KANSL2: variants seen among roughly 807,000 people sequenced by gnomAD.
The protein encoded by KANSL2 is NSL complex protein NSL2.
A neutral mutation model predicts 55.6 loss-of-function variants in KANSL2; 34 were observed. The ratio of observed to expected loss-of-function variants is 0.61; its 90% CI spans 0.46 to 0.81. The LOEUF is 0.81. Ranked by LOEUF, KANSL2 falls within the 40% of genes least tolerant of loss-of-function variation. The pLI, the probability that KANSL2 is intolerant of heterozygous loss-of-function variation, is 0.00. For synonymous variants in KANSL2, 209 were observed against 214.3 expected (o/e 0.98, Z 0.22); for missense variants, 502 against 609.9 (o/e 0.82, Z 1.86).
At chr12:48,654,549 C>T (rs1245893526) in intron 9 of KANSL2, 1 of 609,410 alleles carries the variant, frequency 1.6e-6, no homozygotes, top group Non-Finnish European at 3.2e-6. Context: ...ACGGACAGAA[C>T]TCAAATCACA....
chr12:48,663,637 T>C (rs186469963), intron 7 of KANSL2, among the ~76,000 whole-genome samples: 97 of 152,284 alleles, frequency 6.4e-4, no homozygotes, highest in African/African-American at 2.3e-3. Flanking sequence ...GTAAATATAT[T>C]TTCTCTTATG....
At chr12:48,659,378 T>G (rs954433193) in intron 8 of KANSL2, among the ~76,000 whole-genome samples, 17 of 151,570 alleles carry the variant, frequency 1.1e-4, no homozygotes, top group African/African-American at 4.1e-4. Flanking sequence ...GGTAAGAGGA[T>G]CACTTGAGGC....
chr12:48,655,020 GA>G lies in KANSL2; in HGVS notation c.1267del (p.Ser423HisfsTer9). ...TAGTGAAGGATCAAAAAGCAAAGGT[GA>G]AGGAGGACACTGCATACCATCACCC... ...VVGDGMQCPP[S>X]PLLFDPSLTL... On this transcript the variant is annotated frameshift_variant, in exon 9 of 10. Coordinates refer to ENST00000420613, the MANE Select transcript of KANSL2 (RefSeq NM_017822.4). LOFTEE classifies it high-confidence loss of function. 1 of 1,586,866 alleles carries G rather than the reference GA, an allele frequency of 6.3e-7. No individual in the cohort carries two copies. Among genetic ancestry groups the G allele is most frequent in the South Asian group, 1.2e-5 (1 of 86,488 alleles).
At chr12:48,662,158 G>A (rs1055233042) in intron 7 of KANSL2, among the ~76,000 whole-genome samples, 1 of 152,208 alleles carries the variant, frequency 6.6e-6, no homozygotes, top group African/African-American at 2.4e-5. Context: ...AGGCTAGAAT[G>A]CAGTGGCGTG....
intron 4 of KANSL2, among the ~76,000 whole-genome samples, chr12:48,676,218 T>C (rs1185911576): frequency 6.6e-6 from 1 of 152,140 alleles, no homozygotes; most frequent in Non-Finnish European, 1.5e-5. Context: ...TCCTCCTACT[T>C]GAGCCTCTCG....
intron 8 of KANSL2, among the ~76,000 whole-genome samples, chr12:48,657,085 T>C (rs1287050437): frequency 4.6e-5 from 7 of 152,204 alleles, no homozygotes. Context: ...TTTTAAAATC[T>C]ACTTAAAGCT....
chr12:48,662,309 T>C (rs939881716), intron 7 of KANSL2, among the ~76,000 whole-genome samples: 4 of 152,218 alleles, frequency 2.6e-5, no homozygotes, highest in Non-Finnish European at 5.9e-5. Flanking sequence ...TTCGCCATGT[T>C]GGCCAGGCTG....
At chr12:48,658,479 G>A (rs770558630) in intron 8 of KANSL2, among the ~76,000 whole-genome samples, 49 of 152,128 alleles carry the variant, frequency 3.2e-4, no homozygotes, top group Non-Finnish European at 6.0e-4. Context: ...TTTCAGCTGG[G>A]CGCGATGTCT....
chr12:48,656,040 ATTAAT>A (rs1005480834), intron 8 of KANSL2, among the ~76,000 whole-genome samples: 1 of 152,362 alleles, frequency 6.6e-6, no homozygotes, highest in Admixed American at 6.5e-5. Context: ...TTCACCAGTG[ATTAAT>A]TTAAATATGA....
intron 7 of KANSL2, among the ~76,000 whole-genome samples, chr12:48,666,437 A>G (rs532497386): frequency 2.1e-3 from 322 of 152,154 alleles, no homozygotes; most frequent in Non-Finnish European, 3.2e-3. Flanking sequence ...TCATGCCTGT[A>G]ATCCCAACAC....
At chr12:48,661,668 A>G (rs975471277) in intron 7 of KANSL2, among the ~76,000 whole-genome samples, 2 of 152,222 alleles carry the variant, frequency 1.3e-5, no homozygotes, top group Non-Finnish European at 1.5e-5. Context: ...TTTTAAAACC[A>G]TATGAACTTC....
chr12:48,682,159 C>G, intron 1 of KANSL2, 28 bp downstream of exon 1: 1 of 700,370 alleles, frequency 1.4e-6, no homozygotes, highest in East Asian at 2.7e-5. Flanking sequence ...ACCGCAAGAG[C>G]TTAGAGGAAA....
At chr12:48,665,018 T>C (rs1592101407) in intron 7 of KANSL2, among the ~76,000 whole-genome samples, 1 of 151,384 alleles carries the variant, frequency 6.6e-6, no homozygotes, top group East Asian at 1.9e-4. Context: ...TACAGTCACA[T>C]GCCATCGTGA....
chr12:48,671,556 G>A (rs1012279174), intron 5 of KANSL2, among the ~76,000 whole-genome samples: 1 of 151,980 alleles, frequency 6.6e-6, no homozygotes, highest in South Asian at 2.1e-4. Flanking sequence ...ATGTGTTTAG[G>A]TACACAAATA....
chr12:48,667,720 G>T lies in KANSL2; in HGVS notation c.946C>A (p.Leu316Ile), dbSNP rs1282752571. The T allele has an allele frequency of 6.2e-7, 1 of 1,613,804 alleles. No homozygotes were observed. The highest frequency in any genetic ancestry group is 8.5e-7 in the Non-Finnish European group (1 of 1,179,794). The change falls in exon 7 of 10, where the codon CTT becomes ATT. Residue 316 changes from leucine (L) to isoleucine (I), a missense_variant. Coordinates refer to ENST00000420613, the MANE Select transcript of KANSL2 (RefSeq NM_017822.4). ...GTAAGGCAGTGTCTGGTCATTGGAAGAGACTGATTGGAACAACGAACATCA... is the reference window on the plus strand; with the variant it reads ...GTAAGGCAGTGTCTGGTCATTGGAATAGACTGATTGGAACAACGAACATCA... The part of the protein sequence containing the change: ...VDDVRCSNQS[L>I]PMTRHCLTHI...
In KANSL2 at chr12:48,682,210, C is replaced by G. The variant is rs755185611; in HGVS notation, c.-33G>C. 1 of 651,844 alleles carries G rather than the reference C, an allele frequency of 1.5e-6. No individual in the cohort carries two copies. The highest frequency in any genetic ancestry group is 2.4e-5 in the Admixed American group (1 of 42,350). The allele number at this position is 651,844 out of a possible 1,614,324, so 40.4% of individuals were successfully genotyped here. ...ACCTCAGGAGCTGCGCTGCGCCGCA[C>G]TCTGCCGCGCCGCTCGCCCTTCTCT... On this transcript the variant is annotated 5_prime_UTR_variant, in exon 1 of 10. Transcript: ENST00000420613.
intron 5 of KANSL2, 139 bp downstream of exon 5, chr12:48,671,660 C>T (rs1276008133): frequency 3.6e-6 from 3 of 838,990 alleles, no homozygotes; most frequent in South Asian, 1.7e-5. Flanking sequence ...CCTACGTTAG[C>T]GTGAGTCACT....
At chr12:48,661,123 G>T in intron 7 of KANSL2, 1 of 392,864 alleles carries the variant, frequency 2.5e-6, no homozygotes, top group Non-Finnish European at 3.5e-6. Flanking sequence ...AGCACCACTG[G>T]AATAGGGGGA....
intron 7 of KANSL2, among the ~76,000 whole-genome samples, chr12:48,666,319 G>A (rs1018324832): frequency 4.0e-5 from 6 of 151,758 alleles, no homozygotes; most frequent in African/African-American, 1.5e-4. Flanking sequence ...GGGGAGGAAA[G>A]GACTGGCAGA....
Sources: allele counts gnomAD v4.1 joint callset (sites outside exome capture counted in the v4.1 genomes callset), GRCh38; gene constraint gnomAD v4.1.1; transcripts MANE v1.5; gene names NCBI Gene and HGNC (gene_info 2026-07-23, HGNC 2026-07-21).